The following SLF1 variants were observed in gnomAD, a reference collection of about 807,000 sequenced individuals.
SLF1 encodes SMC5-SMC6 complex localization factor protein 1.
A neutral mutation model predicts 123.0 loss-of-function variants in SLF1; 105 were observed. The observed-to-expected ratio is 0.85, with a 90% CI of 0.73 to 1.00. The LOEUF (loss-of-function observed/expected upper bound fraction) is 1.00, where lower values mean the gene tolerates loss of function less well. SLF1 is among the 50% of genes least tolerant of loss of function. The probability of loss-of-function intolerance (pLI) is 0.00; values close to 1 mark genes in which losing one functional copy is unlikely to be tolerated. For synonymous variants in SLF1, 434 were observed against 406.6 expected (o/e 1.07, Z -0.81); for missense variants, 1,239 against 1,223.0 (o/e 1.01, Z -0.20).
intron 12 of SLF1, among the ~76,000 whole-genome samples, chr5:94,669,242 C>T (rs568284855): frequency 8.5e-5 from 13 of 152,176 alleles, no homozygotes; most frequent in African/African-American, 2.9e-4. Flanking sequence ...GACTGATTAA[C>T]TATGTGGGCA....
intron 8 of SLF1, among the ~76,000 whole-genome samples, chr5:94,653,852 GA>G (rs1283862034): frequency 8.8e-6 from 1 of 113,918 alleles, no homozygotes. Context: ...TCTGGAGTAT[GA>G]CTTTTTTTTT....
chr5:94,679,706 AT>A (rs1237200090), intron 15 of SLF1, among the ~76,000 whole-genome samples: 2 of 152,118 alleles, frequency 1.3e-5, no homozygotes, highest in South Asian at 2.1e-4. Context: ...TATATGGATA[AT>A]TTTTTTCACT....
chr5:94,696,674 G>A lies in SLF1; in HGVS notation c.*1362G>A, dbSNP rs1352827226. On this transcript the variant is annotated 3_prime_UTR_variant, in exon 21 of 21. Coordinates refer to ENST00000265140, the MANE Select transcript of SLF1 (RefSeq NM_032290.4). ...ACCTCTTTACTTCACTTGTAAAGGTGTCTGGGATAGTGTTTGCTTGGTAAA... is the reference window on the plus strand; with the variant it reads ...ACCTCTTTACTTCACTTGTAAAGGTATCTGGGATAGTGTTTGCTTGGTAAA... 1 of 151,834 alleles carries A rather than the reference G, an allele frequency of 6.6e-6. No homozygotes were observed. Among genetic ancestry groups the A allele is most frequent in the African/African-American group, 2.4e-5 (1 of 41,412 alleles). The allele number at this position is 151,834 out of a possible 1,614,324, so 9.4% of individuals were successfully genotyped here.
chr5:94,670,585 A>G (rs1750327438), intron 13 of SLF1, among the ~76,000 whole-genome samples: 1 of 151,994 alleles, frequency 6.6e-6, no homozygotes. Context: ...ACCAATTTTA[A>G]ACACTGAGCC....
intron 14 of SLF1, among the ~76,000 whole-genome samples, chr5:94,675,552 C>T (rs1750949108): frequency 2.6e-5 from 4 of 152,096 alleles, no homozygotes; most frequent in South Asian, 2.1e-4. Context: ...GTCCATAGCA[C>T]ACTGTCTTGG....
chr5:94,689,758 T>C (rs1585242099), intron 18 of SLF1, 152 bp downstream of exon 18: 1 of 657,382 alleles, frequency 1.5e-6, no homozygotes. Context: ...ATTATTTTCT[T>C]GAACTGTCAT....
intron 15 of SLF1, among the ~76,000 whole-genome samples, chr5:94,682,056 A>G (rs1751855236): frequency 6.6e-6 from 1 of 152,082 alleles, no homozygotes; most frequent in African/African-American, 2.4e-5. Context: ...GCACATGTAT[A>G]CATTTGGAGA....
At chr5:94,654,525 A>T in intron 8 of SLF1, 105 bp from the exon 9 acceptor site, 1 of 796,988 alleles carries the variant, frequency 1.3e-6, no homozygotes, top group Non-Finnish European at 1.7e-6. Flanking sequence ...TGCTGTGGTT[A>T]ACATGGTATG....
In SLF1 at chr5:94,678,965, T is replaced by C. The variant is rs1283745621; in HGVS notation, c.1975+10T>C. On this transcript the variant is annotated intron_variant, in intron 15 of 20. Transcript: ENST00000265140. ...TCTCTTTCGTGTGATGGTAAGTTTG[T>C]CTATGTTCTGTTTTTTTCAGACCCA... The C allele has an allele frequency of 3.7e-6, 6 of 1,611,368 alleles. No individual in the cohort carries two copies. In the African/African-American group the frequency reaches 8.0e-5, roughly 22 times the overall value.
chr5:94,628,997 TAA>T, intron 2 of SLF1, 73 bp downstream of exon 2: 1 of 1,396,406 alleles, frequency 7.2e-7, no homozygotes, highest in Non-Finnish European at 9.8e-7. Context: ...CTAAGAATGA[TAA>T]AATGCCTTCT....
intron 14 of SLF1, among the ~76,000 whole-genome samples, chr5:94,676,756 C>T (rs1432079318): frequency 3.3e-5 from 5 of 152,206 alleles, no homozygotes; most frequent in Non-Finnish European, 7.3e-5. Context: ...CTTCCATAAA[C>T]ACTGTTCTGG....
At chr5:94,665,491 C>T (rs959586332) in intron 11 of SLF1, among the ~76,000 whole-genome samples, 1 of 152,206 alleles carries the variant, frequency 6.6e-6, no homozygotes, top group African/African-American at 2.4e-5. Flanking sequence ...TGGCTCACAC[C>T]TGTAATCCCA....
chr5:94,679,014 C>A (rs1349646882), intron 15 of SLF1, 59 bp downstream of exon 15: 40 of 1,578,802 alleles, frequency 2.5e-5, no homozygotes, highest in Non-Finnish European at 3.5e-6. Context: ...TTTTGAATTT[C>A]TTTTAAGCAG....
At chr5:94,678,121 C>G (rs1000655910) in intron 14 of SLF1, among the ~76,000 whole-genome samples, 1 of 151,980 alleles carries the variant, frequency 6.6e-6, no homozygotes, top group Non-Finnish European at 1.5e-5. Context: ...GGGGTTTCAC[C>G]GTGTTAGCCA....
In SLF1 at chr5:94,665,972, C is replaced by G. The variant is rs984868778; in HGVS notation, c.1480C>G (p.Gln494Glu). ...AMSRYYLELF[Q>E]CPTCMKGAWS... The stretch of plus-strand genomic sequence containing the variant: ...GTCGAGATATTATTTAGAGTTGTTT[C>G]AGTGTCCAACTTGTATGAAAGGAGC... The change falls in exon 12 of 21, where the codon CAG becomes GAG. Residue 494 changes from glutamine to glutamate, a missense_variant. Physicochemically the swap from Gln to Glu is conservative, Grantham distance 29. Transcript: ENST00000265140. 1 of 1,551,336 alleles carries G rather than the reference C, an allele frequency of 6.4e-7. No individual in the cohort carries two copies. Among genetic ancestry groups the G allele is most frequent in the Non-Finnish European group, 8.7e-7 (1 of 1,146,790 alleles).
chr5:94,676,644 T>TAG (rs1751102095), intron 14 of SLF1, among the ~76,000 whole-genome samples: 1 of 152,100 alleles, frequency 6.6e-6, no homozygotes, highest in African/African-American at 2.4e-5. Flanking sequence ...GTCTCTCTCC[T>TAG]AGATTCTAAT....
intron 1 of SLF1, among the ~76,000 whole-genome samples, chr5:94,621,883 T>TACACACACAC (rs145332421): frequency 2.7e-5 from 4 of 150,286 alleles, no homozygotes; most frequent in African/African-American, 7.3e-5. Context: ...TTAATATTTA[T>TACACACACAC]ACACACACAC....
At chr5:94,679,318 G>T (rs533080839) in intron 15 of SLF1, among the ~76,000 whole-genome samples, 1 of 152,236 alleles carries the variant, frequency 6.6e-6, no homozygotes, top group East Asian at 1.9e-4. Context: ...TTTACCTGGT[G>T]CAGTGGCTCA....
intron 12 of SLF1, among the ~76,000 whole-genome samples, chr5:94,669,183 A>G (rs1481670202): frequency 6.6e-6 from 1 of 152,218 alleles, no homozygotes; most frequent in East Asian, 1.9e-4. Flanking sequence ...GAAATATTCC[A>G]TAATGCATAG....
Sources: allele counts gnomAD v4.1 joint callset (sites outside exome capture counted in the v4.1 genomes callset), GRCh38; gene constraint gnomAD v4.1.1; transcripts MANE v1.5; gene names NCBI Gene and HGNC (gene_info 2026-07-23, HGNC 2026-07-21).